The following ROBO2 variants were observed in gnomAD, a reference collection of about 807,000 sequenced individuals.
The protein encoded by ROBO2 is roundabout homolog 2.
Under a neutral mutation model 160.8 loss-of-function variants are expected in ROBO2, and 53 were observed. The ratio of observed to expected loss-of-function variants is 0.33; its 90% CI spans 0.26 to 0.41. ROBO2 has a LOEUF of 0.41. Ranked by LOEUF, ROBO2 falls within the 10% of genes least tolerant of loss-of-function variation. The probability of loss-of-function intolerance (pLI) is 1.00; values close to 1 mark genes in which losing one functional copy is unlikely to be tolerated. For synonymous variants in ROBO2, 664 were observed against 611.7 expected (o/e 1.09, Z -1.26); for missense variants, 1,577 against 1,722.4 (o/e 0.92, Z 1.49).
intron 2 of ROBO2, among the ~76,000 whole-genome samples, chr3:76,357,069 A>G (rs2075214453): frequency 6.6e-6 from 1 of 151,960 alleles, no homozygotes; most frequent in African/African-American, 2.4e-5. Context: ...CAGAGAAATG[A>G]AAGAATTCTG....
At chr3:76,155,716 T>C (rs1004501716) in intron 2 of ROBO2, among the ~76,000 whole-genome samples, 1 of 152,212 alleles carries the variant, frequency 6.6e-6, no homozygotes, top group African/African-American at 2.4e-5. Flanking sequence ...TGTATTTTTT[T>C]GGGTGTTTTT....
intron 2 of ROBO2, among the ~76,000 whole-genome samples, chr3:76,267,937 G>A (rs187351574): frequency 2.9e-4 from 44 of 152,232 alleles, no homozygotes; most frequent in African/African-American, 1.0e-3. Context: ...CACAGAAGTA[G>A]CTATGTCCTC....
chr3:77,216,568 A>ACTGCACTCACTGTC (rs1156556449), intron 2 of ROBO2, among the ~76,000 whole-genome samples: 1 of 152,116 alleles, frequency 6.6e-6, no homozygotes, highest in South Asian at 2.1e-4. Context: ...TGCTCAGTGC[A>ACTGCACTCACTGTC]CTGCACTCAC....
chr3:77,183,781 T>G (rs2081026030), intron 2 of ROBO2, among the ~76,000 whole-genome samples: 1 of 152,062 alleles, frequency 6.6e-6, no homozygotes, highest in Non-Finnish European at 1.5e-5. Context: ...TCACCTCTTG[T>G]GAACATCATA....
intron 2 of ROBO2, among the ~76,000 whole-genome samples, chr3:76,298,426 C>G (rs1211222179): frequency 6.6e-6 from 1 of 152,108 alleles, no homozygotes; most frequent in Non-Finnish European, 1.5e-5. Flanking sequence ...CTAAGAACCT[C>G]ATTCTAAGCC....
At chr3:76,032,457 A>G (rs968628900) in intron 2 of ROBO2, among the ~76,000 whole-genome samples, 3 of 152,034 alleles carry the variant, frequency 2.0e-5, no homozygotes, top group African/African-American at 7.3e-5. Flanking sequence ...TTAGGGTGTC[A>G]ATTTTAGATC....
At position 76,799,601 on chromosome 3, in the gene ROBO2, TCAAG is replaced by T. The variant is rs546188335; in HGVS notation, c.110-298412_110-298409del. ...AACAGGGAATAATCTGAAAAAGAAATCAAGAAAGTAATCCCATTTACAATAGCTA... is the reference window on the plus strand; with the variant it reads ...AACAGGGAATAATCTGAAAAAGAAATAAAGTAATCCCATTTACAATAGCTA... On this transcript the variant is annotated intron_variant, in intron 2 of 26. Transcript: ENST00000487694. Among the ~76,000 whole-genome samples, 5 of 149,254 alleles carry T rather than the reference TCAAG, an allele frequency of 3.3e-5. No homozygotes were observed. The South Asian group carries it at 1.0e-3, about 31-fold the overall frequency.
chr3:76,881,633 T>C (rs1316783966), intron 2 of ROBO2, among the ~76,000 whole-genome samples: 1 of 152,266 alleles, frequency 6.6e-6, no homozygotes. Flanking sequence ...ATGTATTTTC[T>C]ATTTTACATT....
intron 23 of ROBO2, chr3:77,634,604 T>TGTGGAATG: frequency 2.2e-6 from 1 of 455,030 alleles, no homozygotes; most frequent in East Asian, 4.2e-5. Flanking sequence ...AATATTGAGT[T>TGTGGAATG]GTGGATTGGT....
In ROBO2 at chr3:76,399,944, T is replaced by G. The variant is rs543333359; in HGVS notation, c.109+462342T>G. On this transcript the variant is annotated intron_variant, in intron 2 of 26. Transcript: ENST00000487694. The stretch of plus-strand genomic sequence containing the variant: ...AACTTTTAGCAAGAATAAATTCATT[T>G]TAAAATTGGCTTTACTCCATAAATT... Among the ~76,000 whole-genome samples the G allele has an allele frequency of 2.0e-5, 3 of 151,828 alleles. No individual in the cohort carries two copies. The East Asian group carries it at 5.8e-4, about 29-fold the overall frequency.
chr3:76,423,714 G>C (rs1327643199), intron 2 of ROBO2, among the ~76,000 whole-genome samples: 1 of 152,154 alleles, frequency 6.6e-6, no homozygotes, highest in Non-Finnish European at 1.5e-5. Context: ...GTTAAAGCAA[G>C]TGAAGATAAA....
chr3:76,555,425 G>GAAGAGGAAGAA (rs1399867100), intron 2 of ROBO2, among the ~76,000 whole-genome samples: 2 of 68,542 alleles, frequency 2.9e-5, no homozygotes, highest in African/African-American at 4.2e-5. Flanking sequence ...AAGAAAGAAG[G>GAAGAGGAAGAA]AGAAGGGGAA....
At chr3:77,474,203 C>A (rs534615465) in intron 2 of ROBO2, among the ~76,000 whole-genome samples, 2 of 152,258 alleles carry the variant, frequency 1.3e-5, no homozygotes, top group Admixed American at 6.5e-5. Context: ...GTTATTGAAT[C>A]CGCCTAAAAA....
intron 16 of ROBO2, among the ~76,000 whole-genome samples, chr3:77,581,724 A>G (rs893253560): frequency 1.3e-5 from 2 of 152,124 alleles, no homozygotes; most frequent in African/African-American, 4.8e-5. Flanking sequence ...GTACACTTGA[A>G]AAGTATTTGC....
At chr3:75,986,236 C>G (rs916294929) in intron 2 of ROBO2, among the ~76,000 whole-genome samples, 26 of 151,286 alleles carry the variant, frequency 1.7e-4, no homozygotes, top group Admixed American at 6.6e-5. Context: ...TAACTATCAT[C>G]ATGTGTACGA....
intron 2 of ROBO2, among the ~76,000 whole-genome samples, chr3:77,290,040 A>C (rs1394212043): frequency 4.8e-5 from 5 of 104,916 alleles, no homozygotes; most frequent in African/African-American, 8.0e-5. Flanking sequence ...TGACGATTAA[A>C]TGGGTAAGCT....
intron 19 of ROBO2, among the ~76,000 whole-genome samples, chr3:77,598,527 G>GTGTGTATA (rs1553690641): frequency 2.1e-5 from 3 of 139,980 alleles, no homozygotes; most frequent in African/African-American, 8.1e-5. Flanking sequence ...ATATATATGT[G>GTGTGTATA]TATATATATA....
In ROBO2 at chr3:76,464,655, C is replaced by T. The variant is rs928977417; in HGVS notation, c.109+527053C>T. Among the ~76,000 whole-genome samples the T allele has an allele frequency of 2.0e-5, 3 of 152,122 alleles. No homozygotes were observed. The East Asian group carries it at 5.8e-4, about 29-fold the overall frequency. Reference sequence around the variant, plus strand: ...TATAAACTCCTTTACCCTTTCTCTACTGGAAACTAAATAACCAAAATATAA... The same window carrying T: ...TATAAACTCCTTTACCCTTTCTCTATTGGAAACTAAATAACCAAAATATAA... On this transcript the variant is annotated intron_variant, in intron 2 of 26. Transcript: ENST00000487694.
chr3:76,277,334 C>G (rs904233623), intron 2 of ROBO2, among the ~76,000 whole-genome samples: 5 of 151,936 alleles, frequency 3.3e-5, no homozygotes, highest in Admixed American at 3.3e-4. Flanking sequence ...TTAGACTCTA[C>G]CTACAATGCT....
Sources: allele counts gnomAD v4.1 joint callset (sites outside exome capture counted in the v4.1 genomes callset), GRCh38; gene constraint gnomAD v4.1.1; transcripts MANE v1.5; gene names NCBI Gene and HGNC (gene_info 2026-07-23, HGNC 2026-07-21).